Variants in PNOC observed in about 807,000 individuals in gnomAD.
PNOC encodes the protein nociceptin.
Under a neutral mutation model 15.6 loss-of-function variants are expected in PNOC, and 10 were observed. The observed-to-expected ratio is 0.64, with a 90% CI of 0.40 to 1.09. The LOEUF (loss-of-function observed/expected upper bound fraction) is 1.09. Among genes scored for constraint, PNOC ranks in the 50% least tolerant of loss-of-function variants. PNOC has a pLI of 0.01. For synonymous variants in PNOC, 98 were observed against 88.5 expected, an observed-to-expected ratio of 1.11 and a Z score of -0.60; for missense variants, 220 against 223.9, an observed-to-expected ratio of 0.98 and a Z score of 0.11.
Position 28,340,820 on chromosome 8 carries a change from C to A in PNOC, c.*47+1329C>A, listed in dbSNP as rs1199928007. Among the ~76,000 whole-genome samples the A allele has an allele frequency of 3.3e-5, 5 of 152,206 alleles. No homozygotes were observed. The East Asian group carries it at 9.6e-4, about 29-fold the overall frequency. Reference sequence around the variant, plus strand: ...AAAGGGGAGGTCCCAGCCTCTTTAACAACCAGATCTCCCACGAACTCATTA... The same window carrying A: ...AAAGGGGAGGTCCCAGCCTCTTTAAAAACCAGATCTCCCACGAACTCATTA... On this transcript the variant is annotated intron_variant, in intron 3 of 3. Transcript: ENST00000301908.
chr8:28,332,661 T>C (rs1320408271), intron 2 of PNOC, among the ~76,000 whole-genome samples: 1 of 152,036 alleles, frequency 6.6e-6, no homozygotes, highest in Non-Finnish European at 1.5e-5. Flanking sequence ...TCAAACTCCC[T>C]AAAATTTGGC....
chr8:28,336,736 C>A (rs1176950498), intron 2 of PNOC, among the ~76,000 whole-genome samples: 3 of 151,862 alleles, frequency 2.0e-5, no homozygotes, highest in Admixed American at 6.6e-5. Context: ...GCCAGGGGTA[C>A]CACACTGATG....
rs561777775 is a variant in PNOC at position 28,318,193 on chromosome 8, C to T, written c.-24+877C>T. Among the ~76,000 whole-genome samples the T allele has an allele frequency of 5.3e-5, 8 of 152,258 alleles. No homozygotes were observed. In the East Asian group the frequency reaches 1.4e-3, roughly 26 times the overall value. ...CTCTCTCCCTCGAGTCTTGCTTCCCCGGCTTCACTACCCAGCCCCTCCTCC... is the reference window on the plus strand; with the variant it reads ...CTCTCTCCCTCGAGTCTTGCTTCCCTGGCTTCACTACCCAGCCCCTCCTCC... On this transcript the variant is annotated intron_variant, in intron 1 of 3. Transcript: ENST00000301908.
At chr8:28,321,782 G>A (rs1044556636) in intron 1 of PNOC, among the ~76,000 whole-genome samples, 11 of 152,078 alleles carry the variant, frequency 7.2e-5, no homozygotes, top group African/African-American at 2.7e-4. Flanking sequence ...CCTGGGGAAT[G>A]CTTGACCTGT....
chr8:28,328,038 A>T (rs1429132856), intron 1 of PNOC, among the ~76,000 whole-genome samples: 1 of 146,140 alleles, frequency 6.8e-6, no homozygotes, highest in East Asian at 2.1e-4. Context: ...ATCATCTCCC[A>T]AAGGTTCCAT....
chr8:28,327,332 C>T (rs1286605164), intron 1 of PNOC, among the ~76,000 whole-genome samples: 5 of 152,198 alleles, frequency 3.3e-5, no homozygotes, highest in African/African-American at 9.7e-5. Flanking sequence ...TCAGGCAATC[C>T]TACATAAGAT....
intron 2 of PNOC, among the ~76,000 whole-genome samples, chr8:28,330,400 T>TTTTTTTTTTA (rs1801309377): frequency 9.8e-6 from 1 of 102,228 alleles, no homozygotes; most frequent in Non-Finnish European, 2.0e-5. Context: ...TATTTTATTT[T>TTTTTTTTTTA]TTTTTTTTTT....
In PNOC at chr8:28,320,092, C is replaced by CTTTTTTT. The variant is rs34876964; in HGVS notation, c.-24+2799_-24+2805dup. Among the ~76,000 whole-genome samples, 85 of 29,734 alleles carry CTTTTTTT rather than the reference C, an allele frequency of 2.9e-3. 16 individuals are homozygous for CTTTTTTT. Among genetic ancestry groups the CTTTTTTT allele is most frequent in the South Asian group, 3.7e-3 (2 of 534 alleles). 19.5% of individuals were successfully genotyped at this position (29,734 alleles called of 152,430 possible). On this transcript the variant is annotated intron_variant, in intron 1 of 3. Transcript: ENST00000301908. ...TGTTTGTTTCTTTCTTTCTTTCTTT[C>CTTTTTTT]TTTTTTTTTTTTTTTTTTTTTTTTT... is the stretch of plus-strand genomic sequence containing the variant.
intron 2 of PNOC, chr8:28,338,677 A>G (rs1801455820): frequency 9.8e-7 from 1 of 1,015,388 alleles, no homozygotes; most frequent in South Asian, 4.6e-5. Context: ...TATGGGTGAC[A>G]GTCATGAGCT....
intron 2 of PNOC, among the ~76,000 whole-genome samples, chr8:28,332,144 C>T (rs1801338773): frequency 6.6e-6 from 1 of 152,206 alleles, no homozygotes; most frequent in African/African-American, 2.4e-5. Flanking sequence ...GGACTAACAC[C>T]TTCACAGTGC....
At chr8:28,332,061 G>A (rs1585834997) in intron 2 of PNOC, among the ~76,000 whole-genome samples, 2 of 152,302 alleles carry the variant, frequency 1.3e-5, no homozygotes, top group South Asian at 2.1e-4. Context: ...AATATCTGGG[G>A]TCTAGACAAC....
At chr8:28,327,246 G>A (rs925874071) in intron 1 of PNOC, among the ~76,000 whole-genome samples, 2 of 152,206 alleles carry the variant, frequency 1.3e-5, no homozygotes, top group Non-Finnish European at 2.9e-5. Flanking sequence ...ATACAGTACA[G>A]GGAAGCATCT....
At position 28,330,396 on chromosome 8, in the gene PNOC, A is replaced by ATTTTT. The variant is rs67554549; in HGVS notation, c.126+1125_126+1129dup. The stretch of plus-strand genomic sequence containing the variant: ...ATTTTATTTTATTTTATTTTATTTT[A>ATTTTT]TTTTTTTTTTTTTTTTGAGACGGAG... On this transcript the variant is annotated intron_variant, in intron 2 of 3. Transcript: ENST00000301908. Among the ~76,000 whole-genome samples the ATTTTT allele has an allele frequency of 6.6e-4, 53 of 80,434 alleles. 1 individual carries two copies. Among genetic ancestry groups the ATTTTT allele is most frequent in the Admixed American group, 2.2e-3 (13 of 5,890 alleles). 52.8% of individuals were successfully genotyped at this position (80,434 alleles called of 152,430 possible).
intron 2 of PNOC, among the ~76,000 whole-genome samples, chr8:28,330,070 C>T (rs1801296111): frequency 6.6e-6 from 1 of 152,082 alleles, no homozygotes; most frequent in Non-Finnish European, 1.5e-5. Context: ...CCTCAGCCTC[C>T]CAAGTAGCTG....
At chr8:28,342,061 A>G (rs563289433) in intron 3 of PNOC, among the ~76,000 whole-genome samples, 9 of 152,314 alleles carry the variant, frequency 5.9e-5, no homozygotes, top group Admixed American at 5.2e-4. Flanking sequence ...AACCCTATTC[A>G]GGGCCGGGCG....
intron 1 of PNOC, among the ~76,000 whole-genome samples, chr8:28,320,192 T>C (rs71519682): frequency 7.4e-6 from 1 of 134,266 alleles, no homozygotes; most frequent in African/African-American, 2.8e-5. Flanking sequence ...GCCTGGCAGG[T>C]GGAGTAGATA....
rs368810226 is a variant in PNOC at position 28,320,647 on chromosome 8, A to G, written c.-24+3331A>G. ...GGGCAGATCACAAGGTCAGGAGATC[A>G]AGACCATCCCGGCTAACACGGTGAA... is the stretch of plus-strand genomic sequence containing the variant. On this transcript the variant is annotated intron_variant, in intron 1 of 3. Transcript: ENST00000301908. Among the ~76,000 whole-genome samples the G allele has an allele frequency of 3.5e-3, 539 of 152,078 alleles. 2 individuals carry two copies. The highest frequency in any genetic ancestry group is 0.011 in the African/African-American group (453 of 41,486).
chr8:28,333,064 TTA>T (rs1239831756), intron 2 of PNOC, among the ~76,000 whole-genome samples: 1 of 152,232 alleles, frequency 6.6e-6, no homozygotes, highest in African/African-American at 2.4e-5. Flanking sequence ...TAGGAGTTCC[TTA>T]TATGTTTGTC....
intron 2 of PNOC, among the ~76,000 whole-genome samples, chr8:28,330,408 T>TATTTTA (rs1257291054): frequency 1.4e-5 from 2 of 139,942 alleles, no homozygotes; most frequent in African/African-American, 5.2e-5. Flanking sequence ...TTTTTTTTTT[T>TATTTTA]TTTTGAGACG....
Sources: gnomAD v4.1 joint callset for allele counts (sites outside exome capture counted in the v4.1 genomes callset) on GRCh38, gnomAD v4.1.1 for gene constraint, MANE v1.5 for transcripts, NCBI Gene and HGNC (gene_info 2026-07-23, HGNC 2026-07-21) for gene names.